The following SLC39A11 variants were observed in gnomAD, a reference collection of about 807,000 sequenced individuals.
SLC39A11 encodes the protein zinc transporter ZIP11.
Under a neutral mutation model 36.1 loss-of-function variants are expected in SLC39A11, and 33 were observed. The observed-to-expected ratio is 0.91, with a 90% CI of 0.69 to 1.22. The LOEUF is 1.22. Among genes scored for constraint, SLC39A11 ranks in the 50% most tolerant of loss-of-function variants. The pLI, the probability that SLC39A11 is intolerant of heterozygous loss-of-function variation, is 0.00. For missense variants in SLC39A11, 432 were observed against 430.3 expected, an observed-to-expected ratio of 1.00 and a Z score of -0.03; for synonymous variants, 166 against 170.3, an observed-to-expected ratio of 0.97 and a Z score of 0.20.
At chr17:72,744,753 A>T (rs981076979) in intron 6 of SLC39A11, among the ~76,000 whole-genome samples, 1 of 152,174 alleles carries the variant, frequency 6.6e-6, no homozygotes, top group African/African-American at 2.4e-5. Flanking sequence ...AATCCCACTC[A>T]TGAGGGCTCC....
intron 7 of SLC39A11, among the ~76,000 whole-genome samples, chr17:72,732,553 C>T (rs180677777): frequency 4.1e-4 from 63 of 152,246 alleles, no homozygotes; most frequent in African/African-American, 1.5e-3. Flanking sequence ...TCCCTCGGTT[C>T]GGGTCTGTCT....
intron 6 of SLC39A11, among the ~76,000 whole-genome samples, chr17:72,740,941 A>C (rs1404650742): frequency 1.3e-5 from 2 of 151,584 alleles, no homozygotes; most frequent in East Asian, 3.9e-4. Context: ...TGCCCGGCTA[A>C]TTTTGTATTT....
intron 3 of SLC39A11, among the ~76,000 whole-genome samples, chr17:73,074,779 A>C (rs990050960): frequency 6.6e-6 from 1 of 152,032 alleles, no homozygotes; most frequent in Non-Finnish European, 1.5e-5. Flanking sequence ...CTTAGCCAAA[A>C]CCTCCTTAAT....
intron 6 of SLC39A11, among the ~76,000 whole-genome samples, chr17:72,780,485 C>T (rs150437001): frequency 1.7e-4 from 23 of 134,898 alleles, no homozygotes; most frequent in African/African-American, 5.9e-4. Flanking sequence ...TCCACGTCTA[C>T]TACGTGCACC....
intron 4 of SLC39A11, among the ~76,000 whole-genome samples, chr17:73,003,656 G>A (rs2089957894): frequency 6.6e-6 from 1 of 152,164 alleles, no homozygotes; most frequent in Non-Finnish European, 1.5e-5. Context: ...GTCCTGGGCA[G>A]GACAATGACT....
intron 7 of SLC39A11, among the ~76,000 whole-genome samples, chr17:72,724,932 A>G (rs2073863086): frequency 6.6e-6 from 1 of 152,182 alleles, no homozygotes; most frequent in Admixed American, 6.5e-5. Context: ...CTCTCTCTCC[A>G]AAAAGATGAA....
intron 5 of SLC39A11, among the ~76,000 whole-genome samples, chr17:72,896,779 G>A (rs1014399552): frequency 8.4e-4 from 128 of 152,006 alleles, no homozygotes; most frequent in Non-Finnish European, 3.1e-4. Context: ...AGCCAGGTGC[G>A]GTGGCTCACA....
At chr17:72,822,773 GGCACGATCATA>G (rs960695066) in intron 6 of SLC39A11, among the ~76,000 whole-genome samples, 1 of 150,602 alleles carries the variant, frequency 6.6e-6, no homozygotes, top group African/African-American at 2.4e-5. Context: ...GGAGTGCAGT[GGCACGATCATA>G]GCTCACTGCA....
At chr17:72,704,261 T>G (rs1228010774) in intron 7 of SLC39A11, among the ~76,000 whole-genome samples, 3 of 152,232 alleles carry the variant, frequency 2.0e-5, no homozygotes, top group Non-Finnish European at 2.9e-5. Context: ...CATCCCTCAC[T>G]GACAGATGAG....
At chr17:72,861,758 ATATATATATATATATATATAT>A (rs2080043535) in intron 5 of SLC39A11, among the ~76,000 whole-genome samples, 1 of 91,866 alleles carries the variant, frequency 1.1e-5, no homozygotes, top group African/African-American at 5.5e-5. Flanking sequence ...ATATATATAT[ATATATATATATATATATATAT>A]ATATCCAATG....
intron 5 of SLC39A11, among the ~76,000 whole-genome samples, chr17:72,900,211 A>G (rs1346484702): frequency 1.3e-5 from 2 of 149,142 alleles, no homozygotes; most frequent in African/African-American, 2.5e-5. Context: ...GAAAGAAAGA[A>G]AGAAAGAAAG....
At chr17:73,000,559 G>A (rs2089764531) in intron 4 of SLC39A11, among the ~76,000 whole-genome samples, 1 of 152,194 alleles carries the variant, frequency 6.6e-6, no homozygotes. Flanking sequence ...TGAGCCTTGA[G>A]TGTGGTTCTC....
intron 6 of SLC39A11, among the ~76,000 whole-genome samples, chr17:72,776,867 C>T (rs991876368): frequency 6.6e-6 from 1 of 152,226 alleles, no homozygotes; most frequent in African/African-American, 2.4e-5. Flanking sequence ...ATCCCCACCC[C>T]TCACCAAGTC....
At chr17:72,738,882 G>A (rs1331354835) in intron 6 of SLC39A11, among the ~76,000 whole-genome samples, 1 of 152,074 alleles carries the variant, frequency 6.6e-6, no homozygotes, top group Non-Finnish European at 1.5e-5. Flanking sequence ...CTGGAATTGT[G>A]ACACTGACTC....
chr17:72,832,942 A>G (rs1391556930), intron 6 of SLC39A11, among the ~76,000 whole-genome samples: 18 of 152,234 alleles, frequency 1.2e-4, no homozygotes, highest in Admixed American at 1.2e-3. Flanking sequence ...TCATCAGCAG[A>G]TGAGATGGCT....
chr17:72,730,914 C>T (rs1195431432), intron 7 of SLC39A11, among the ~76,000 whole-genome samples: 1 of 152,034 alleles, frequency 6.6e-6, no homozygotes, highest in Non-Finnish European at 1.5e-5. Flanking sequence ...CCACGTCCGG[C>T]GAATTTTTTG....
chr17:72,857,133 C>T (rs1467602630), intron 5 of SLC39A11, among the ~76,000 whole-genome samples: 1 of 152,150 alleles, frequency 6.6e-6, no homozygotes, highest in African/African-American at 2.4e-5. Context: ...CTCCCTCCTC[C>T]CACCCTCCAC....
intron 7 of SLC39A11, among the ~76,000 whole-genome samples, chr17:72,719,584 C>A (rs1054764789): frequency 6.6e-6 from 1 of 152,316 alleles, no homozygotes; most frequent in Admixed American, 6.5e-5. Flanking sequence ...TTGTAACAAG[C>A]TGTTGGGGAG....
intron 5 of SLC39A11, among the ~76,000 whole-genome samples, chr17:72,913,859 T>C (rs7406628): frequency 0.77 from 116,658 of 151,762 alleles, 44,985 homozygotes; most frequent in Middle Eastern, 0.85. Context: ...CCAGTTCCCA[T>C]TGACAACGGT....
Sources: allele counts gnomAD v4.1 joint callset (sites outside exome capture counted in the v4.1 genomes callset), GRCh38; gene constraint gnomAD v4.1.1; transcripts MANE v1.5; gene names NCBI Gene and HGNC (gene_info 2026-07-23, HGNC 2026-07-21).